Variants in MAPK6 observed in about 807,000 individuals in gnomAD.
MAPK6 encodes the protein mitogen-activated protein kinase 6.
MAPK6 carries 19 observed loss-of-function variants against 59.3 expected under a neutral mutation model. The observed-to-expected ratio is 0.32, with a 90% CI of 0.22 to 0.47. The LOEUF (loss-of-function observed/expected upper bound fraction) is 0.47, where lower values mean the gene tolerates loss of function less well. MAPK6 is among the 20% of genes least tolerant of loss of function. The pLI, the probability that MAPK6 is intolerant of heterozygous loss-of-function variation, is 1.00. For synonymous variants in MAPK6, 316 were observed against 290.3 expected, an observed-to-expected ratio of 1.09 and a Z score of -0.90; for missense variants, 724 against 847.9, an observed-to-expected ratio of 0.85 and a Z score of 1.81.
chr15:52,039,318 T>C (rs918090015), intron 1 of MAPK6, among the ~76,000 whole-genome samples: 3 of 152,126 alleles, frequency 2.0e-5, no homozygotes, highest in Non-Finnish European at 4.4e-5. Flanking sequence ...TGGTTACAGA[T>C]TTACTGTAAG....
chr15:52,002,627 C>T lies in MAPK6; in HGVS notation c.-769-1638C>T, dbSNP rs2057245311. Among the ~76,000 whole-genome samples the T allele has an allele frequency of 3.3e-5, 5 of 152,166 alleles. No homozygotes were observed. In the South Asian group the frequency reaches 1.0e-3, roughly 32 times the overall value. ...CAGTTAACCCCACACAGGAATCTCT[C>T]CAGAGGAAGTGGATCATCAGAGTTG... On this transcript the variant is annotated intron_variant, in intron 2 of 7. Coordinates refer to the MAPK6 transcript ENST00000691380.
chr15:51,974,021 A>T (rs1032383946), intron 1 of MAPK6, among the ~76,000 whole-genome samples: 1 of 151,944 alleles, frequency 6.6e-6, no homozygotes, highest in Non-Finnish European at 1.5e-5. Context: ...AGGATATAAT[A>T]CATGAGATTG....
intron 3 of MAPK6, among the ~76,000 whole-genome samples, chr15:52,055,395 G>A (rs1019158299): frequency 1.3e-5 from 2 of 152,194 alleles, no homozygotes. Context: ...AACAGAGCAA[G>A]ACTTTGTCTT....
chr15:52,064,005 G>C lies in MAPK6; in HGVS notation c.1171G>C (p.Glu391Gln), dbSNP rs1566915933. Residue 391 changes from glutamate (E) to glutamine (Q), a missense_variant, in exon 6 of 6, where the codon GAA becomes CAA. Physicochemically the swap from Glu to Gln is conservative, Grantham distance 29. Transcript: ENST00000261845. ...DPRALSDVTD[E>Q]EEVQVDPRKY... ...AAGAGCTCTGTCCGATGTCACTGAT[G>C]AAGAAGAAGTACAAGTTGATCCCCG... is the stretch of plus-strand genomic sequence containing the variant. 1.2e-6 allele frequency: 2 copies of C among 1,613,670 alleles called. No individual in the cohort carries two copies. Among genetic ancestry groups the C allele is most frequent in the East Asian group, 2.2e-5 (1 of 44,872 alleles).
chr15:52,038,723 C>G (rs2031323224), intron 1 of MAPK6, among the ~76,000 whole-genome samples: 1 of 152,124 alleles, frequency 6.6e-6, no homozygotes. Flanking sequence ...GGTTAGGAAT[C>G]TTAGAATAAA....
chr15:52,009,921 C>T (rs959080239), intron 3 of MAPK6, among the ~76,000 whole-genome samples: 3 of 151,130 alleles, frequency 2.0e-5, no homozygotes, highest in African/African-American at 4.9e-5. Context: ...TACAGGTGCC[C>T]GCCACCATGC....
At chr15:52,007,216 T>TA (rs1490495129) in intron 3 of MAPK6, among the ~76,000 whole-genome samples, 1 of 152,130 alleles carries the variant, frequency 6.6e-6, no homozygotes, top group East Asian at 1.9e-4. Context: ...CTTGGACACT[T>TA]ACCCCCAAGG....
chr15:52,002,526 A>T (rs1274457487), intron 2 of MAPK6, among the ~76,000 whole-genome samples: 2 of 152,198 alleles, frequency 1.3e-5, no homozygotes, highest in African/African-American at 4.8e-5. Context: ...CTTGGGATCG[A>T]CATCTGTGAA....
At chr15:52,013,919 T>G (rs1221119328) in intron 3 of MAPK6, among the ~76,000 whole-genome samples, 1 of 152,180 alleles carries the variant, frequency 6.6e-6, no homozygotes, top group African/African-American at 2.4e-5. Context: ...CCTACTCTCT[T>G]TAGTGTAAAA....
At chr15:52,038,057 A>G (rs1027804392) in intron 1 of MAPK6, among the ~76,000 whole-genome samples, 14 of 151,952 alleles carry the variant, frequency 9.2e-5, no homozygotes, top group African/African-American at 3.4e-4. Flanking sequence ...AAATGTTATT[A>G]GAAAGAGGAG....
chr15:51,982,807 T>C (rs1350428511), intron 1 of MAPK6, among the ~76,000 whole-genome samples: 2 of 152,236 alleles, frequency 1.3e-5, no homozygotes, highest in Non-Finnish European at 2.9e-5. Context: ...CTGTTACCTT[T>C]TAAGGAAATT....
intron 1 of MAPK6, among the ~76,000 whole-genome samples, chr15:52,042,280 C>T (rs2031446843): frequency 6.6e-6 from 1 of 152,212 alleles, no homozygotes; most frequent in Non-Finnish European, 1.5e-5. Context: ...AGATGTTTAA[C>T]TGGTATAATC....
chr15:52,044,518 T>C (rs887473861), intron 1 of MAPK6, among the ~76,000 whole-genome samples: 2 of 152,196 alleles, frequency 1.3e-5, no homozygotes, highest in Non-Finnish European at 2.9e-5. Context: ...TCTTTCTGCC[T>C]AAAATATTGT....
intron 1 of MAPK6, among the ~76,000 whole-genome samples, chr15:52,034,256 A>G (rs1184406928): frequency 4.0e-5 from 6 of 151,840 alleles, no homozygotes; most frequent in Non-Finnish European, 8.8e-5. Flanking sequence ...AAGTGCTGGG[A>G]TTATAGGCGT....
At chr15:52,034,557 C>T (rs570175103) in intron 1 of MAPK6, among the ~76,000 whole-genome samples, 10 of 152,246 alleles carry the variant, frequency 6.6e-5, no homozygotes, top group Non-Finnish European at 8.8e-5. Context: ...CTGCCTGCCT[C>T]GGCCCCCCAA....
chr15:52,044,124 G>A (rs190574785), intron 1 of MAPK6, among the ~76,000 whole-genome samples: 19 of 152,104 alleles, frequency 1.2e-4, no homozygotes, highest in African/African-American at 4.3e-4. Context: ...CAACTTTTAA[G>A]TGTTTTATTA....
intron 1 of MAPK6, among the ~76,000 whole-genome samples, chr15:52,040,511 C>T (rs1256466343): frequency 6.6e-6 from 1 of 152,022 alleles, no homozygotes; most frequent in African/African-American, 2.4e-5. Flanking sequence ...ATGTTTATGG[C>T]CCTTACTTCA....
intron 2 of MAPK6, among the ~76,000 whole-genome samples, chr15:51,990,436 G>A (rs1431677276): frequency 6.6e-6 from 1 of 152,198 alleles, no homozygotes; most frequent in Non-Finnish European, 1.5e-5. Context: ...ATGCAAAGTA[G>A]TGCATATATT....
In MAPK6 at chr15:52,064,196, A is replaced by G. The variant is rs570282127; in HGVS notation, c.1362A>G (p.Leu454=). ...ACAAAACGAGGTCATCATCATATTT[A>G]GATAACTTAGTTTGGAGAGAGAGTG... ...CNYKTRSSSY[L]DNLVWRESEV... The change falls in exon 6 of 6, where the codon TTA becomes TTG. Residue 454 remains leucine (L), a synonymous_variant. Transcript: ENST00000261845. 6.2e-7 allele frequency: 1 copy of G among 1,612,304 alleles called. No homozygotes were observed. Among genetic ancestry groups the G allele is most frequent in the African/African-American group, 1.3e-5 (1 of 75,020 alleles).
Sources: allele counts gnomAD v4.1 joint callset (sites outside exome capture counted in the v4.1 genomes callset), GRCh38; gene constraint gnomAD v4.1.1; transcripts MANE v1.5; gene names NCBI Gene and HGNC (gene_info 2026-07-23, HGNC 2026-07-21).